SP140: variants seen among roughly 807,000 people sequenced by gnomAD.
The protein encoded by SP140 is nuclear body protein SP140.
In SP140, 81 loss-of-function variants were observed where a neutral mutation model predicts 125.0. The ratio of observed to expected loss-of-function variants is 0.65; its 90% confidence interval spans 0.54 to 0.78. SP140 has a LOEUF of 0.78. Among genes scored for constraint, SP140 ranks in the 30% least tolerant of loss-of-function variants. SP140 has a pLI of 0.00. For synonymous variants in SP140, 312 were observed against 354.0 expected (o/e 0.88, Z 1.33); for missense variants, 858 against 1,037.0 (o/e 0.83, Z 2.37).
chr2:230,290,373 C>T, intron 18 of SP140, 87 bp from the exon 19 acceptor site: 1 of 1,183,354 alleles, frequency 8.5e-7, no homozygotes, highest in Non-Finnish European at 1.2e-6. Flanking sequence ...CCTAAGTATC[C>T]CTCGTGTCTT....
rs765276101 is a variant in SP140, at chr2:230,248,109, A to G, written c.892+44A>G. ...GAGACATGTGTCAAGGGTGAAAATG[A>G]GAGTGCCAACATGGGGTGGGAGACC... On this transcript the variant is annotated intron_variant, in intron 8 of 26. Transcript: ENST00000392045. 12 of 1,597,968 alleles carry G rather than the reference A, an allele frequency of 7.5e-6. No individual in the cohort carries two copies. The South Asian group carries it at 1.3e-4, about 18-fold the overall frequency.
intron 19 of SP140, 61 bp downstream of exon 19, chr2:230,290,625 G>A: frequency 7.5e-7 from 1 of 1,338,260 alleles, no homozygotes; most frequent in South Asian, 1.2e-5. Flanking sequence ...AAGTAGTGGG[G>A]AATTATCATG....
At chr2:230,186,854 G>T in the SP140 span, among the ~76,000 whole-genome samples, 116,616 of 152,132 alleles carry the variant, frequency 0.77, 44,799 homozygotes, top group Admixed American at 0.83. Context: ...TTATGGCTGA[G>T]TAATACACCA....
chr2:230,196,383 TAC>T, the SP140 span, among the ~76,000 whole-genome samples: 1 of 152,010 alleles, frequency 6.6e-6, no homozygotes, highest in Non-Finnish European at 1.5e-5. Context: ...ATAACATTGA[TAC>T]AGAGATGATA....
chr2:230,307,602 T>C (rs1177581851), intron 22 of SP140, among the ~76,000 whole-genome samples: 4 of 152,192 alleles, frequency 2.6e-5, no homozygotes, highest in Non-Finnish European at 4.4e-5. Context: ...AGAGAGCCAG[T>C]GCTCATGCCA....
At chr2:230,246,707 A>G (rs10498245) in intron 7 of SP140, among the ~76,000 whole-genome samples, 45,733 of 152,004 alleles carry the variant, frequency 0.3, 7,039 homozygotes, top group Middle Eastern at 0.35. Context: ...CAGAAAGCTA[A>G]TTAGAGAGAA....
intron 18 of SP140, 64 bp from the exon 19 acceptor site, chr2:230,290,396 C>T: frequency 7.0e-7 from 1 of 1,424,752 alleles, no homozygotes; most frequent in Non-Finnish European, 9.9e-7. Context: ...TAGGAATTAC[C>T]TCAGTAGGGA....
At chr2:230,245,180 A>G (rs1049621064) in intron 6 of SP140, 100 bp downstream of exon 6, 2 of 748,708 alleles carry the variant, frequency 2.7e-6, no homozygotes, top group African/African-American at 1.7e-5. Flanking sequence ...CCTGTAACAC[A>G]CTTTTGTTCA....
chr2:230,201,474 A>G (rs1442364727), upstream of SP140, among the ~76,000 whole-genome samples: 1 of 152,194 alleles, frequency 6.6e-6, no homozygotes, highest in Non-Finnish European at 1.5e-5. Flanking sequence ...CCACCTACTC[A>G]CTGTACCAAA....
intron 15 of SP140, among the ~76,000 whole-genome samples, chr2:230,284,000 T>A (rs2056007973): frequency 1.3e-5 from 2 of 152,226 alleles, no homozygotes; most frequent in Non-Finnish European, 1.5e-5. Flanking sequence ...GAGGATGTCC[T>A]CTCATTGCAC....
At chr2:230,259,415 C>T (rs778114330) in intron 12 of SP140, among the ~76,000 whole-genome samples, 7 of 151,836 alleles carry the variant, frequency 4.6e-5, no homozygotes, top group Non-Finnish European at 8.8e-5. Context: ...CGGTGGCTCA[C>T]GCCTGTAGTC....
At chr2:230,263,477 G>A (rs576169551) in intron 12 of SP140, among the ~76,000 whole-genome samples, 4 of 152,238 alleles carry the variant, frequency 2.6e-5, no homozygotes, top group African/African-American at 7.2e-5. Flanking sequence ...TAAAATGTGA[G>A]GTACCATTGC....
At chr2:230,227,125 T>G (rs1003665810) in intron 1 of SP140, among the ~76,000 whole-genome samples, 1 of 152,166 alleles carries the variant, frequency 6.6e-6, no homozygotes, top group Non-Finnish European at 1.5e-5. Flanking sequence ...TGTACATTCT[T>G]GATAAAAATG....
intron 1 of SP140, among the ~76,000 whole-genome samples, chr2:230,236,615 C>A (rs2048049102): frequency 6.6e-6 from 1 of 152,140 alleles, no homozygotes; most frequent in Non-Finnish European, 1.5e-5. Context: ...TGGTTCTATT[C>A]AGGCTTTCAA....
At chr2:230,198,722 G>A (rs1233249273), upstream of SP140, among the ~76,000 whole-genome samples, 1 of 152,048 alleles carries the variant, frequency 6.6e-6, no homozygotes, top group Non-Finnish European at 1.5e-5. Flanking sequence ...AGCCTCCTGA[G>A]TAGCTGGGAT....
At chr2:230,305,008 C>T (rs954234270) in intron 22 of SP140, among the ~76,000 whole-genome samples, 22 of 152,054 alleles carry the variant, frequency 1.4e-4, no homozygotes, top group African/African-American at 4.6e-4. Context: ...ACTATGCATC[C>T]GACGGAGGAC....
At chr2:230,232,025 T>C (rs2047328112) in intron 1 of SP140, among the ~76,000 whole-genome samples, 1 of 152,174 alleles carries the variant, frequency 6.6e-6, no homozygotes, top group South Asian at 2.1e-4. Context: ...CCACCCTTTT[T>C]AGAAGTGACA....
At chr2:230,255,151 C>T (rs2149252609) in intron 11 of SP140, among the ~76,000 whole-genome samples, 2 of 152,178 alleles carry the variant, frequency 1.3e-5, no homozygotes, top group Middle Eastern at 3.4e-3. Flanking sequence ...GAGCCACTGG[C>T]AGCAGGAAAG....
chr2:230,194,873 T>C, the SP140 span, among the ~76,000 whole-genome samples: 1 of 152,190 alleles, frequency 6.6e-6, no homozygotes, highest in Non-Finnish European at 1.5e-5. Context: ...CAAGTTGGTG[T>C]TAGGTTTGCT....
Sources: allele counts gnomAD v4.1 joint callset (sites outside exome capture counted in the v4.1 genomes callset), GRCh38; gene constraint gnomAD v4.1.1; transcripts MANE v1.5; gene names NCBI Gene and HGNC (gene_info 2026-07-23, HGNC 2026-07-21).